KIF24: variants seen among roughly 807,000 people sequenced by gnomAD.
The protein encoded by KIF24 is kinesin family member 24, also known as kinesin-like protein KIF24.
A neutral mutation model predicts 118.9 loss-of-function variants in KIF24; 81 were observed. The ratio of observed to expected loss-of-function variants is 0.68; its 90% CI spans 0.57 to 0.82. The LOEUF (loss-of-function observed/expected upper bound fraction) is 0.82. KIF24 is among the 40% of genes least tolerant of loss of function. The pLI is 0.00. For missense variants in KIF24, 1,560 were observed against 1,661.6 expected, an observed-to-expected ratio of 0.94 and a Z score of 1.06; for synonymous variants, 599 against 610.0, an observed-to-expected ratio of 0.98 and a Z score of 0.27.
At chr9:34,290,983 C>T (rs1376356425) in intron 4 of KIF24, among the ~76,000 whole-genome samples, 2 of 152,118 alleles carry the variant, frequency 1.3e-5, no homozygotes, top group Non-Finnish European at 2.9e-5. Context: ...TTAAAGAAAC[C>T]ACTTAGCCAA....
chr9:34,269,483 G>T (rs557995608), intron 7 of KIF24, 121 bp from the exon 8 acceptor site: 5 of 421,386 alleles, frequency 1.2e-5, no homozygotes, highest in Admixed American at 4.3e-5. Context: ...GCAGTGGCGC[G>T]ATTTTGGCTC....
chr9:34,267,687 A>G (rs1377145407), intron 8 of KIF24, among the ~76,000 whole-genome samples: 1 of 152,184 alleles, frequency 6.6e-6, no homozygotes, highest in African/African-American at 2.4e-5. Context: ...AATAAATGAG[A>G]TATTCTACAA....
Position 34,257,048 on chromosome 9 carries a change from GTCT to G in KIF24, c.2556_2558del (p.Glu852del). 6.2e-7 allele frequency: 1 copy of G among 1,614,014 alleles called. No homozygotes were observed. Among genetic ancestry groups the G allele is most frequent in the Non-Finnish European group, 8.5e-7 (1 of 1,179,872 alleles). On this transcript the variant is annotated inframe_deletion, in exon 11 of 13. Transcript: ENST00000402558. ...CCCACGTCTGGTGCAGGAAGAATGA[GTCT>G]TCGCTATTCTCCAGGGTGTTCCTTT...
At chr9:34,317,784 G>A (rs1487763792) in intron 1 of KIF24, among the ~76,000 whole-genome samples, 1 of 152,144 alleles carries the variant, frequency 6.6e-6, no homozygotes, top group African/African-American at 2.4e-5. Flanking sequence ...CAAAGCAAAA[G>A]AGTAGTAATG....
intron 4 of KIF24, among the ~76,000 whole-genome samples, chr9:34,292,498 T>C (rs970266892): frequency 6.6e-6 from 1 of 152,192 alleles, no homozygotes; most frequent in Non-Finnish European, 1.5e-5. Flanking sequence ...CAAATAAATC[T>C]ACAATGATTG....
At chr9:34,297,195 G>T in intron 3 of KIF24, 81 bp from the exon 4 acceptor site, 2 of 752,380 alleles carry the variant, frequency 2.7e-6, no homozygotes, top group Non-Finnish European at 4.5e-6. Context: ...GATGATAAAT[G>T]CCAAAATATG....
At chr9:34,277,779 G>A (rs1394008951) in intron 6 of KIF24, among the ~76,000 whole-genome samples, 1 of 152,188 alleles carries the variant, frequency 6.6e-6, no homozygotes, top group Non-Finnish European at 1.5e-5. Context: ...ATGCACCTGA[G>A]CTATGAAGAG....
chr9:34,261,578 C>T (rs558987818), intron 9 of KIF24, among the ~76,000 whole-genome samples: 2 of 152,164 alleles, frequency 1.3e-5, no homozygotes, highest in Non-Finnish European at 2.9e-5. Flanking sequence ...AGTACATGAT[C>T]TTTTAACATG....
In KIF24 at chr9:34,256,822, G is replaced by A. The variant is rs776613528; in HGVS notation, c.2785C>T (p.Pro929Ser). 1.1e-5 allele frequency: 17 copies of A among 1,614,018 alleles called. No individual in the cohort carries two copies. Among genetic ancestry groups the A allele is most frequent in the Non-Finnish European group, 1.4e-5 (17 of 1,179,894 alleles). The change falls in exon 11 of 13, where the codon CCT (proline) becomes TCT (serine). Residue 929 changes from proline to serine, a missense_variant. By Grantham distance (74) the Pro-to-Ser change is moderately conservative. This residue lies in a region of KIF24 where 591 missense variants were observed against 655.6 expected (regional missense o/e 0.90). Coordinates refer to ENST00000402558, the MANE Select transcript of KIF24 (RefSeq NM_194313.4). Reference sequence around the variant, plus strand: ...TCTGCCAGGCTGTCTCTGGGAGAAGGCCCTGAGGAAGTAGAGTTCTCTCTG... The same window carrying A: ...TCTGCCAGGCTGTCTCTGGGAGAAGACCCTGAGGAAGTAGAGTTCTCTCTG... ...WSRENSTSSG[P>S]SPRDSLAEKP...
rs779312941 is a variant in KIF24 at position 34,259,553 on chromosome 9, C to T, written c.1625+43G>A. On this transcript the variant is annotated intron_variant, in intron 10 of 12. Transcript: ENST00000402558. ...CACACGCGTGCTGCACAGACATGCA[C>T]ATGCACACTTACACACAACCTGCCA... 7 of 1,433,864 alleles carry T rather than the reference C, an allele frequency of 4.9e-6. No homozygotes were observed. The African/African-American group carries it at 9.8e-5, about 20-fold the overall frequency. 88.8% of individuals were successfully genotyped at this position (1,433,864 alleles called of 1,614,324 possible). A position where few individuals can be genotyped will look rare whatever the true frequency, so the allele number is the denominator to read the frequency against.
intron 12 of KIF24, among the ~76,000 whole-genome samples, 181 bp from the exon 13 acceptor site, chr9:34,254,701 T>C (rs955838419): frequency 6.6e-6 from 1 of 152,036 alleles, no homozygotes; most frequent in Non-Finnish European, 1.5e-5. Context: ...TTCGAGACAC[T>C]TTCCAAGCAG....
At position 34,254,143 on chromosome 9, in the gene KIF24, C is replaced by T. The variant is rs141375193; in HGVS notation, c.*237G>A. On this transcript the variant is annotated 3_prime_UTR_variant, in exon 13 of 13. Coordinates refer to ENST00000402558, the MANE Select transcript of KIF24 (RefSeq NM_194313.4). ...CACAAGGGAAAGGCATTAGGTTCTT[C>T]GGCCTGGCCCACCCTTGGAGGCACT... The T allele has an allele frequency of 4.0e-5, 16 of 404,706 alleles. No individual in the cohort carries two copies. Among genetic ancestry groups the T allele is most frequent in the Middle Eastern group, 6.4e-4 (1 of 1,564 alleles). 25.1% of individuals were successfully genotyped at this position (404,706 alleles called of 1,614,324 possible).
intron 6 of KIF24, among the ~76,000 whole-genome samples, chr9:34,280,103 T>C (rs1835792746): frequency 6.7e-6 from 1 of 150,250 alleles, no homozygotes; most frequent in African/African-American, 2.5e-5. Flanking sequence ...GCTAAAACGG[T>C]GAAACCCCGT....
intron 8 of KIF24, among the ~76,000 whole-genome samples, chr9:34,268,116 T>TA (rs1216335935): frequency 3.3e-5 from 5 of 152,206 alleles, no homozygotes; most frequent in African/African-American, 1.2e-4. Context: ...TTAGGTAAGA[T>TA]AATGGCATTA....
chr9:34,299,961 T>C (rs914217763), intron 3 of KIF24, among the ~76,000 whole-genome samples: 4 of 152,110 alleles, frequency 2.6e-5, no homozygotes, highest in Non-Finnish European at 5.9e-5. Context: ...CCTTATCTTC[T>C]ACTTTTTGGG....
chr9:34,299,805 TGTG>T (rs1337788654), intron 3 of KIF24, among the ~76,000 whole-genome samples: 1 of 71,698 alleles, frequency 1.4e-5, no homozygotes, highest in Non-Finnish European at 4.0e-5. Flanking sequence ...GCTACCAAGA[TGTG>T]TGTGTGTGTG....
rs754589269 is a variant in KIF24 at position 34,257,795 on chromosome 9, C to T, written c.1812G>A (p.Thr604=). ...TGGTCAGAGGATGGACCTTCCCTCT[C>T]GTGGAACCAGGGGCTGCCACTGTGA... is the stretch of plus-strand genomic sequence containing the variant. The part of the protein sequence containing the change: ...QSLTVAAPGS[T]RGKVHPLTSH... Residue 604 remains threonine (T), a synonymous_variant, in exon 11 of 13, where the codon ACG becomes ACA. Coordinates refer to ENST00000402558, the MANE Select transcript of KIF24 (RefSeq NM_194313.4). 3.0e-5 allele frequency: 49 copies of T among 1,613,910 alleles called. No individual in the cohort carries two copies. The South Asian group carries it at 4.0e-4, about 13-fold the overall frequency.
intron 5 of KIF24, among the ~76,000 whole-genome samples, chr9:34,289,031 G>C (rs927832218): frequency 1.3e-5 from 2 of 151,950 alleles, no homozygotes; most frequent in Non-Finnish European, 2.9e-5. Flanking sequence ...ACACCAAGAA[G>C]GTAAAAAAGA....
chr9:34,302,830 C>T (rs1033827947), intron 3 of KIF24, among the ~76,000 whole-genome samples: 5 of 147,294 alleles, frequency 3.4e-5, no homozygotes, highest in Admixed American at 1.4e-4. Flanking sequence ...GTCTGGAGTG[C>T]AGTGGTGCGA....
Sources: allele counts gnomAD v4.1 joint callset (sites outside exome capture counted in the v4.1 genomes callset), GRCh38; gene constraint gnomAD v4.1.1; regional missense constraint gnomAD v4.1.1; transcripts MANE v1.5; gene names NCBI Gene and HGNC (gene_info 2026-07-23, HGNC 2026-07-21).